The following SGCG variants were observed in gnomAD, a reference collection of about 807,000 sequenced individuals.
SGCG encodes the protein sarcoglycan gamma, also known as gamma-sarcoglycan.
SGCG carries 26 observed loss-of-function variants against 29.3 expected under a neutral mutation model. That is an observed-to-expected ratio of 0.89 (90% confidence interval 0.65 to 1.23). The LOEUF is 1.23. SGCG is among the 50% of genes most tolerant of loss of function. The probability of loss-of-function intolerance (pLI) is 0.00; values close to 1 mark genes in which losing one functional copy is unlikely to be tolerated. For synonymous variants in SGCG, 145 were observed against 129.7 expected, an observed-to-expected ratio of 1.12 and a Z score of -0.80; for missense variants, 353 against 356.0, an observed-to-expected ratio of 0.99 and a Z score of 0.07.
chr13:23,278,959 T>C (rs984892472), intron 4 of SGCG, among the ~76,000 whole-genome samples: 3 of 152,212 alleles, frequency 2.0e-5, no homozygotes, highest in African/African-American at 7.2e-5. Flanking sequence ...ACCATTAAAG[T>C]GAGCCATTCG....
intron 6 of SGCG, among the ~76,000 whole-genome samples, chr13:23,302,765 T>C (rs936935442): frequency 6.6e-6 from 1 of 152,208 alleles, no homozygotes; most frequent in African/African-American, 2.4e-5. Flanking sequence ...TTTTAAAAAC[T>C]ATTTGATAGA....
intron 5 of SGCG, among the ~76,000 whole-genome samples, chr13:23,291,391 T>G (rs1881700902): frequency 6.6e-6 from 1 of 152,196 alleles, no homozygotes; most frequent in Non-Finnish European, 1.5e-5. Context: ...TCATCTTGAT[T>G]GTGAATATTT....
At chr13:23,313,194 T>C (rs1168974369) in intron 6 of SGCG, among the ~76,000 whole-genome samples, 2 of 150,342 alleles carry the variant, frequency 1.3e-5, no homozygotes, top group African/African-American at 4.9e-5. Flanking sequence ...AGATGGAGTC[T>C]CACTCTGTCA....
chr13:23,192,085 GA>G (rs1877286635), intron 1 of SGCG, among the ~76,000 whole-genome samples: 1 of 150,440 alleles, frequency 6.6e-6, no homozygotes, highest in African/African-American at 2.4e-5. Flanking sequence ...TGAGGCTGCA[GA>G]ATGACGTGAA....
chr13:23,241,765 C>T (rs1469075769), intron 3 of SGCG, among the ~76,000 whole-genome samples: 1 of 152,218 alleles, frequency 6.6e-6, no homozygotes. Context: ...CCCAAGAATG[C>T]CAGGATGAGT....
chr13:23,248,472 G>A (rs1879810056), intron 3 of SGCG, among the ~76,000 whole-genome samples: 1 of 152,092 alleles, frequency 6.6e-6, no homozygotes, highest in African/African-American at 2.4e-5. Flanking sequence ...AGGTGGAGGC[G>A]GGCGGATCAC....
At chr13:23,318,909 T>C (rs1249600685) in intron 6 of SGCG, among the ~76,000 whole-genome samples, 1 of 152,256 alleles carries the variant, frequency 6.6e-6, no homozygotes, top group African/African-American at 2.4e-5. Flanking sequence ...CACAGATAGT[T>C]TGCCTGAAAT....
intron 4 of SGCG, among the ~76,000 whole-genome samples, chr13:23,259,890 T>C (rs746509108): frequency 2.6e-4 from 39 of 152,354 alleles, no homozygotes; most frequent in Non-Finnish European, 4.7e-4. Flanking sequence ...CTAATTTGAT[T>C]GCACTGTGGT....
intron 3 of SGCG, among the ~76,000 whole-genome samples, chr13:23,236,940 C>T (rs1879338152): frequency 6.6e-6 from 1 of 152,142 alleles, no homozygotes. Context: ...CAGAACAAAA[C>T]TATGCTTCCT....
At chr13:23,166,524 TTGTC>T in the SGCG span, among the ~76,000 whole-genome samples, 1 of 152,310 alleles carries the variant, frequency 6.6e-6, no homozygotes, top group Non-Finnish European at 1.5e-5. Context: ...TTCCCTGTAT[TTGTC>T]TGTCTGTCTC....
At chr13:23,223,138 T>C (rs1270974940) in intron 2 of SGCG, among the ~76,000 whole-genome samples, 3 of 150,996 alleles carry the variant, frequency 2.0e-5, no homozygotes, top group Non-Finnish European at 4.4e-5. Flanking sequence ...ACTAGCGGGG[T>C]GTGGTGGCGG....
chr13:23,265,333 C>G (rs994670951), intron 4 of SGCG, among the ~76,000 whole-genome samples: 41 of 152,270 alleles, frequency 2.7e-4, no homozygotes, highest in East Asian at 3.9e-4. Context: ...AATCCCAGCA[C>G]TTTGGGAATC....
At chr13:23,321,880 A>G (rs1883054654) in intron 7 of SGCG, among the ~76,000 whole-genome samples, 2 of 151,586 alleles carry the variant, frequency 1.3e-5, no homozygotes, top group African/African-American at 4.8e-5. Context: ...ACAGTGCTCA[A>G]TACTGATATT....
intron 6 of SGCG, among the ~76,000 whole-genome samples, chr13:23,300,055 C>A (rs758267558): frequency 3.3e-5 from 5 of 152,178 alleles, no homozygotes; most frequent in Non-Finnish European, 5.9e-5. Flanking sequence ...CCAGGGTAAT[C>A]TGGGATGATA....
At chr13:23,176,327 T>C (rs1051333020), upstream of SGCG, among the ~76,000 whole-genome samples, 37 of 152,136 alleles carry the variant, frequency 2.4e-4, no homozygotes, top group African/African-American at 8.4e-4. Context: ...GAGGACAGCA[T>C]AGACAAGTAA....
chr13:23,210,670 G>C (rs1021365359), intron 2 of SGCG, among the ~76,000 whole-genome samples: 1 of 152,088 alleles, frequency 6.6e-6, no homozygotes, highest in Non-Finnish European at 1.5e-5. Flanking sequence ...CAGCCTGGGC[G>C]ACAGAGCAAG....
chr13:23,324,746 T>G lies in SGCG; in HGVS notation c.*205T>G. ...TGCACGTGGATGTGAGACACAAAAG[T>G]TGACAAAATGGAAAAGCAATGTGTT... On this transcript the variant is annotated 3_prime_UTR_variant, in exon 8 of 8. Coordinates refer to ENST00000218867, the MANE Select transcript of SGCG (RefSeq NM_000231.3). The G allele has an allele frequency of 1.7e-6, 1 of 588,880 alleles. No homozygotes were observed. The highest frequency in any genetic ancestry group is 1.9e-5 in the South Asian group (1 of 52,652). 36.5% of individuals were successfully genotyped at this position (588,880 alleles called of 1,614,324 possible). A position where few individuals can be genotyped will look rare whatever the true frequency, so the allele number is the denominator to read the frequency against.
chr13:23,285,300 C>A (rs750558495), intron 5 of SGCG, among the ~76,000 whole-genome samples: 2 of 152,156 alleles, frequency 1.3e-5, no homozygotes, highest in Non-Finnish European at 2.9e-5. Flanking sequence ...TCAGAGATGC[C>A]CTGCCCAGAG....
At chr13:23,261,959 G>T (rs1458876598) in intron 4 of SGCG, among the ~76,000 whole-genome samples, 1 of 152,090 alleles carries the variant, frequency 6.6e-6, no homozygotes, top group Non-Finnish European at 1.5e-5. Context: ...AGCAAATGCT[G>T]ATGGAATTTG....
Sources: allele counts gnomAD v4.1 joint callset (sites outside exome capture counted in the v4.1 genomes callset), GRCh38; gene constraint gnomAD v4.1.1; transcripts MANE v1.5; gene names NCBI Gene and HGNC (gene_info 2026-07-23, HGNC 2026-07-21).